KHDRBS1: variants seen among roughly 807,000 people sequenced by gnomAD.
KHDRBS1 encodes KH domain-containing, RNA-binding, signal transduction-associated protein 1.
Under a neutral mutation model 48.4 loss-of-function variants are expected in KHDRBS1, and 7 were observed. The observed-to-expected ratio is 0.14, with a 90% CI of 0.08 to 0.27. The LOEUF (loss-of-function observed/expected upper bound fraction) is 0.27, where lower values mean the gene tolerates loss of function less well. KHDRBS1 is among the 10% of genes least tolerant of loss of function. The pLI is 1.00. For missense variants in KHDRBS1, 458 were observed against 601.2 expected (o/e 0.76, Z 2.49); for synonymous variants, 241 against 235.8 (o/e 1.02, Z -0.20).
downstream of KHDRBS1, among the ~76,000 whole-genome samples, chr1:32,048,753 T>A (rs767244437): frequency 6.6e-6 from 1 of 152,094 alleles, no homozygotes; most frequent in Non-Finnish European, 1.5e-5. Flanking sequence ...AAGTGTATAA[T>A]TCAGTGGTTT....
intron 3 of KHDRBS1, among the ~76,000 whole-genome samples, chr1:32,031,914 A>G (rs903032888): frequency 2.6e-5 from 4 of 152,200 alleles, no homozygotes; most frequent in African/African-American, 7.2e-5. Flanking sequence ...CATTGGTAGG[A>G]TTGTCTGTGA....
intron 1 of KHDRBS1, among the ~76,000 whole-genome samples, chr1:32,015,496 C>T (rs1183873904): frequency 6.6e-6 from 1 of 152,170 alleles, no homozygotes; most frequent in Non-Finnish European, 1.5e-5. Context: ...CTCTGTCTCC[C>T]AACACTGTAA....
chr1:32,050,908 T>G (rs77454709), intron 10 of KHDRBS1, among the ~76,000 whole-genome samples: 1 of 148,746 alleles, frequency 6.7e-6, no homozygotes, highest in East Asian at 2.0e-4. Context: ...TATTTTTTTT[T>G]GAGACAGAGT....
chr1:32,029,741 A>T (rs1639046360), intron 1 of KHDRBS1, among the ~76,000 whole-genome samples: 2 of 152,212 alleles, frequency 1.3e-5, no homozygotes, highest in African/African-American at 4.8e-5. Context: ...ACGATATATT[A>T]AGTACTTTAT....
At position 32,037,044 on chromosome 1, in the gene KHDRBS1, G is replaced by A. The variant is rs2124383959; in HGVS notation, c.905+1G>A. On this transcript the variant is annotated splice_donor_variant, in intron 5 of 8. Coordinates refer to ENST00000327300, the MANE Select transcript of KHDRBS1 (RefSeq NM_006559.3). LOFTEE classifies it high-confidence loss of function. The stretch of plus-strand genomic sequence containing the variant: ...CACCTCCTCCACCACCTGTTCCCAG[G>A]TAAAAATAATGGAGACACCCAGAAA... 1 of 1,612,796 alleles carries A rather than the reference G, an allele frequency of 6.2e-7. No homozygotes were observed. Among genetic ancestry groups the A allele is most frequent in the South Asian group, 1.1e-5 (1 of 90,940 alleles).
intron 10 of KHDRBS1, among the ~76,000 whole-genome samples, chr1:32,057,209 C>A (rs1203411256): frequency 1.3e-5 from 2 of 152,114 alleles, no homozygotes; most frequent in African/African-American, 4.8e-5. Context: ...GAGACAGGGT[C>A]TTGTTCTGTC....
intron 3 of KHDRBS1, among the ~76,000 whole-genome samples, chr1:32,032,579 T>C (rs752395851): frequency 4.6e-5 from 7 of 152,220 alleles, no homozygotes; most frequent in Non-Finnish European, 7.4e-5. Context: ...TTTTCTTCTT[T>C]ATGCTTTTAG....
chr1:32,052,367 A>G (rs1639432226), intron 10 of KHDRBS1: 1 of 152,046 alleles, frequency 6.6e-6, no homozygotes, highest in African/African-American at 2.4e-5. Context: ...AGAAAGAAAG[A>G]AAAAAAGCTG....
intron 10 of KHDRBS1, among the ~76,000 whole-genome samples, chr1:32,050,808 C>G (rs1190943460): frequency 6.6e-6 from 1 of 152,098 alleles, no homozygotes; most frequent in Non-Finnish European, 1.5e-5. Context: ...GTGTAAGCCA[C>G]CACACCCAGC....
intron 1 of KHDRBS1, among the ~76,000 whole-genome samples, chr1:32,027,491 T>C (rs546188172): frequency 1.3e-5 from 2 of 152,338 alleles, no homozygotes; most frequent in East Asian, 3.9e-4. Flanking sequence ...GACTGTTGAA[T>C]GAAGCATTAC....
intron 8 of KHDRBS1, among the ~76,000 whole-genome samples, chr1:32,040,119 T>G (rs1639254642): frequency 6.6e-6 from 1 of 152,048 alleles, no homozygotes; most frequent in Non-Finnish European, 1.5e-5. Flanking sequence ...GGGGCAAGAA[T>G]AGTGCCTATT....
intron 4 of KHDRBS1, among the ~76,000 whole-genome samples, chr1:32,034,005 G>C (rs1639129488): frequency 6.6e-6 from 1 of 152,188 alleles, no homozygotes; most frequent in Non-Finnish European, 1.5e-5. Context: ...TGAATAAATA[G>C]GAAATGGTAC....
chr1:32,029,673 G>A (rs1484257559), intron 1 of KHDRBS1, among the ~76,000 whole-genome samples: 1 of 152,102 alleles, frequency 6.6e-6, no homozygotes, highest in East Asian at 1.9e-4. Flanking sequence ...AGAAAAAAAA[G>A]TACCTTGTGC....
intron 1 of KHDRBS1, among the ~76,000 whole-genome samples, chr1:32,025,292 CTTTT>C (rs576339772): frequency 9.8e-5 from 9 of 92,086 alleles, no homozygotes; most frequent in African/African-American, 2.1e-4. Context: ...TCGGCTCCTC[CTTTT>C]TTTTTTTTTT....
rs1356571341 is a variant in KHDRBS1, at chr1:32,013,956, C to T, written c.-40C>T. 10 of 1,414,598 alleles carry T rather than the reference C, an allele frequency of 7.1e-6. No homozygotes were observed. The highest frequency in any genetic ancestry group is 1.5e-5 in the African/African-American group (1 of 66,772). The allele number at this position is 1,414,598 out of a possible 1,614,324, so 87.6% of individuals were successfully genotyped here. A position where few individuals can be genotyped will look rare whatever the true frequency, so the allele number is the denominator to read the frequency against. ...CCGCCGCTCGGGCCTCCGTCGCTGC[C>T]GCGTCGCTTTCTCGCTCCTTGGATC... is the stretch of plus-strand genomic sequence containing the variant. On this transcript the variant is annotated 5_prime_UTR_variant, in exon 1 of 9. Transcript: ENST00000327300.
At chr1:32,036,785 A>G in intron 4 of KHDRBS1, 125 bp from the exon 5 acceptor site, 2 of 979,814 alleles carry the variant, frequency 2.0e-6, no homozygotes, top group South Asian at 3.8e-5. Flanking sequence ...CAGAGAAGGA[A>G]TGACCTGAGA....
chr1:32,038,850 A>G (rs146407581), intron 7 of KHDRBS1, among the ~76,000 whole-genome samples: 73 of 152,294 alleles, frequency 4.8e-4, no homozygotes, highest in African/African-American at 1.6e-3. Flanking sequence ...CCACCATGCA[A>G]TGCTTTCCTC....
At position 32,031,236 on chromosome 1, in the gene KHDRBS1, G is replaced by A. The variant is rs149681757; in HGVS notation, c.508-288G>A. On this transcript the variant is annotated intron_variant, in intron 2 of 8. Coordinates refer to ENST00000327300, the MANE Select transcript of KHDRBS1 (RefSeq NM_006559.3). The stretch of plus-strand genomic sequence containing the variant: ...CACTTTGGCCTGGGCAACAGAGTGA[G>A]AGCCTGTCTCAAAATAAAGTAAAAA... Among the ~76,000 whole-genome samples, 793 of 152,266 alleles carry A rather than the reference G, an allele frequency of 5.2e-3. 2 individuals are homozygous for A. The highest frequency in any genetic ancestry group is 8.5e-3 in the Non-Finnish European group (576 of 68,024).
At chr1:32,040,427 G>T (rs1639261621) in intron 8 of KHDRBS1, among the ~76,000 whole-genome samples, 1 of 151,912 alleles carries the variant, frequency 6.6e-6, no homozygotes, top group East Asian at 1.9e-4. Context: ...AAAAAATAGT[G>T]CCTATTAGAA....
Sources: allele counts gnomAD v4.1 joint callset (sites outside exome capture counted in the v4.1 genomes callset), GRCh38; gene constraint gnomAD v4.1.1; transcripts MANE v1.5; gene names NCBI Gene and HGNC (gene_info 2026-07-23, HGNC 2026-07-21).